The following RTF1 variants were observed in gnomAD, a reference collection of about 807,000 sequenced individuals.
The protein encoded by RTF1 is RTF1 homolog, Paf1/RNA polymerase II complex component, also known as RNA polymerase-associated protein RTF1 homolog.
In RTF1, 10 loss-of-function variants were observed where a neutral mutation model predicts 95.7. The ratio of observed to expected loss-of-function variants is 0.10; its 90% CI spans 0.06 to 0.18. The LOEUF is 0.18. RTF1 is among the 10% of genes least tolerant of loss of function. RTF1 has a pLI of 1.00. For missense variants in RTF1, 458 were observed against 875.6 expected, an observed-to-expected ratio of 0.52 and a Z score of 6.02; for synonymous variants, 305 against 311.8, an observed-to-expected ratio of 0.98 and a Z score of 0.23.
intron 6 of RTF1, among the ~76,000 whole-genome samples, chr15:41,469,902 A>G (rs921918013): frequency 6.6e-6 from 1 of 151,990 alleles, no homozygotes; most frequent in African/African-American, 2.4e-5. Context: ...TCCTATTTTA[A>G]ATTTTCCTCA....
At chr15:41,457,299 C>CA in intron 3 of RTF1, among the ~76,000 whole-genome samples, 1 of 152,178 alleles carries the variant, frequency 6.6e-6, no homozygotes, top group South Asian at 2.1e-4. Context: ...ACTGGGAGGC[C>CA]GAGGTGGGCA....
intron 3 of RTF1, 78 bp downstream of exon 3, chr15:41,453,126 G>A: frequency 2.4e-6 from 3 of 1,261,988 alleles, no homozygotes; most frequent in South Asian, 3.7e-5. Flanking sequence ...AAGTGGGGAG[G>A]AAGGGGGGTA....
intron 17 of RTF1, 73 bp from the exon 18 acceptor site, chr15:41,480,508 C>T: frequency 8.6e-7 from 1 of 1,165,794 alleles, no homozygotes; most frequent in Non-Finnish European, 1.3e-6. Context: ...AGGAGGCTGC[C>T]TGCAGGAGTG....
chr15:41,464,819 A>G lies in RTF1; in HGVS notation c.711A>G (p.Lys237=). ...AAACAGCCAAAAAGAAAGAAAAGAA[A>G]GAAAAGAAGAAAAAGCAAGAAGAGG... is the stretch of plus-strand genomic sequence containing the variant. ...KLKTAKKKEK[K]EKKKKQEEEQ... The change falls in exon 5 of 18, where the codon AAA becomes AAG. Residue 237 remains lysine (K), a synonymous_variant. Transcript: ENST00000389629. 1 of 1,563,958 alleles carries G rather than the reference A, an allele frequency of 6.4e-7. No homozygotes were observed. Among genetic ancestry groups the G allele is most frequent in the Non-Finnish European group, 8.7e-7 (1 of 1,156,010 alleles).
At chr15:41,475,502 G>A in intron 9 of RTF1, 23 bp from the exon 10 acceptor site, 1 of 1,601,318 alleles carries the variant, frequency 6.2e-7, no homozygotes, top group East Asian at 2.2e-5. Flanking sequence ...ATTTCTTGGA[G>A]ATGCTGTCTC....
chr15:41,419,559 G>A (rs374639317), intron 1 of RTF1, among the ~76,000 whole-genome samples: 102 of 152,182 alleles, frequency 6.7e-4, no homozygotes, highest in Non-Finnish European at 2.6e-4. Flanking sequence ...GCTAGAGTTC[G>A]TGTTTATAAA....
chr15:41,453,089 C>G, intron 3 of RTF1, 41 bp downstream of exon 3: 1 of 1,493,858 alleles, frequency 6.7e-7, no homozygotes, highest in South Asian at 1.4e-5. Flanking sequence ...AACTCCCACT[C>G]TTGTCAGCTT....
At chr15:41,451,845 T>G (rs185331459) in intron 2 of RTF1, among the ~76,000 whole-genome samples, 18 of 152,256 alleles carry the variant, frequency 1.2e-4, no homozygotes, top group South Asian at 4.1e-4. Context: ...ACATAAAACA[T>G]CAGAAGTGTT....
At chr15:41,419,942 C>T (rs925888988) in intron 1 of RTF1, among the ~76,000 whole-genome samples, 1 of 152,130 alleles carries the variant, frequency 6.6e-6, no homozygotes, top group South Asian at 2.1e-4. Flanking sequence ...GCTTCAGCCT[C>T]CCGTGTAGCT....
intron 1 of RTF1, among the ~76,000 whole-genome samples, chr15:41,427,372 G>A (rs779590913): frequency 7.3e-6 from 1 of 136,544 alleles, no homozygotes; most frequent in Admixed American, 7.4e-5. Flanking sequence ...AGGATGGTCT[G>A]GATCTCCTGA....
intron 3 of RTF1, among the ~76,000 whole-genome samples, chr15:41,455,113 A>C (rs2050806216): frequency 6.6e-6 from 1 of 152,062 alleles, no homozygotes; most frequent in Non-Finnish European, 1.5e-5. Flanking sequence ...CAGGAGTTTG[A>C]GACCATCCTG....
At chr15:41,450,913 C>T (rs891630768) in intron 2 of RTF1, among the ~76,000 whole-genome samples, 10 of 150,560 alleles carry the variant, frequency 6.6e-5, no homozygotes, top group Non-Finnish European at 1.5e-4. Context: ...ATCCTGCTGC[C>T]CTGCACTCCA....
At chr15:41,461,041 A>C (rs2140962318) in intron 4 of RTF1, among the ~76,000 whole-genome samples, 1 of 144,304 alleles carries the variant, frequency 6.9e-6, no homozygotes, top group African/African-American at 2.6e-5. Flanking sequence ...ATGTCAAGCT[A>C]ATTTTTTTTT....
At chr15:41,476,019 C>G (rs572150864) in intron 11 of RTF1, among the ~76,000 whole-genome samples, 200 bp downstream of exon 11, 1 of 152,318 alleles carries the variant, frequency 6.6e-6, no homozygotes, top group Admixed American at 6.5e-5. Flanking sequence ...CTAACATAGA[C>G]TGAAGTGTAT....
chr15:41,481,508 C>G lies in RTF1; in HGVS notation c.*821C>G, dbSNP rs1273283415. On this transcript the variant is annotated 3_prime_UTR_variant, in exon 18 of 18. Coordinates refer to ENST00000389629, the MANE Select transcript of RTF1 (RefSeq NM_015138.5). ...TCCCACCTACTCTTCCCATCCTTTC[C>G]CAACTTTGGAGAAAACTCCCCAGTT... 2 of 152,604 alleles carry G rather than the reference C, an allele frequency of 1.3e-5. No homozygotes were observed. Among genetic ancestry groups the G allele is most frequent in the Non-Finnish European group, 2.9e-5 (2 of 68,044 alleles). 9.5% of individuals were successfully genotyped at this position (152,604 alleles called of 1,614,324 possible).
chr15:41,435,700 A>G (rs2140950333), intron 1 of RTF1, among the ~76,000 whole-genome samples: 1 of 152,306 alleles, frequency 6.6e-6, no homozygotes, highest in East Asian at 1.9e-4. Flanking sequence ...CATTTTAGCC[A>G]AGGAGGGAGG....
chr15:41,446,836 T>G (rs2050766207), intron 2 of RTF1, among the ~76,000 whole-genome samples: 1 of 149,616 alleles, frequency 6.7e-6, no homozygotes, highest in African/African-American at 2.5e-5. Context: ...GGAGTCTCCC[T>G]CTGTCACCCA....
In RTF1 at chr15:41,470,650, C is replaced by CTT. The variant is rs58221683; in HGVS notation, c.1025+283_1025+284dup. 4.6e-3 allele frequency among the ~76,000 whole-genome samples: 346 copies of CTT among 75,504 alleles called. 28 individuals carry two copies. Among genetic ancestry groups the CTT allele is most frequent in the South Asian group, 8.1e-3 (14 of 1,734 alleles). The allele number at this position is 75,504 out of a possible 152,430, so 49.5% of individuals were successfully genotyped here. A position where few individuals can be genotyped will look rare whatever the true frequency, so the allele number is the denominator to read the frequency against. On this transcript the variant is annotated intron_variant, in intron 7 of 17. Coordinates refer to ENST00000389629, the MANE Select transcript of RTF1 (RefSeq NM_015138.5). Reference sequence around the variant, plus strand: ...TTGGCCTGGAGCTTTCATTCATTTTCTTTTTTTTTTTTTTTTTTTTTTTTT... The same window carrying CTT: ...TTGGCCTGGAGCTTTCATTCATTTTCTTTTTTTTTTTTTTTTTTTTTTTTTTT...
In RTF1 at chr15:41,482,318, A is replaced by G. The variant is rs1000661250; in HGVS notation, c.*1631A>G. On this transcript the variant is annotated 3_prime_UTR_variant, in exon 18 of 18. Coordinates refer to ENST00000389629, the MANE Select transcript of RTF1 (RefSeq NM_015138.5). ...CTTTCAGAACAAAGTACAGCTGACT[A>G]TATATACCAAGAGCTAAGCTAAAGG... 7.2e-5 allele frequency: 11 copies of G among 152,604 alleles called. No homozygotes were observed. Among genetic ancestry groups the G allele is most frequent in the Non-Finnish European group, 1.2e-4 (8 of 68,032 alleles). 9.5% of individuals were successfully genotyped at this position (152,604 alleles called of 1,614,324 possible).
Sources: allele counts gnomAD v4.1 joint callset (sites outside exome capture counted in the v4.1 genomes callset), GRCh38; gene constraint gnomAD v4.1.1; transcripts MANE v1.5; gene names NCBI Gene and HGNC (gene_info 2026-07-23, HGNC 2026-07-21).